AP3B1: variants seen among roughly 807,000 people sequenced by gnomAD.
The protein encoded by AP3B1 is AP-3 complex subunit beta-1.
In AP3B1, 61 loss-of-function variants were observed where a neutral mutation model predicts 132.5. The ratio of observed to expected loss-of-function variants is 0.46; its 90% confidence interval spans 0.37 to 0.57. AP3B1 has a LOEUF of 0.57. Among genes scored for constraint, AP3B1 ranks in the 20% least tolerant of loss-of-function variants. The probability of loss-of-function intolerance (pLI) is 0.00; values close to 1 mark genes in which losing one functional copy is unlikely to be tolerated. For synonymous variants in AP3B1, 388 were observed against 438.3 expected (o/e 0.89, Z 1.43); for missense variants, 1,120 against 1,289.4 (o/e 0.87, Z 2.01).
intron 22 of AP3B1, among the ~76,000 whole-genome samples, chr5:78,045,119 G>A (rs1451892621): frequency 6.6e-6 from 1 of 152,150 alleles, no homozygotes; most frequent in Non-Finnish European, 1.5e-5. Flanking sequence ...GGTGGCTCAT[G>A]CCTGTAATCC....
intron 22 of AP3B1, among the ~76,000 whole-genome samples, chr5:78,062,676 C>A (rs1236694170): frequency 6.6e-6 from 1 of 152,192 alleles, no homozygotes; most frequent in Non-Finnish European, 1.5e-5. Context: ...TCAAAAGAAG[C>A]CACAGTTCTC....
At chr5:78,217,789 G>A (rs763714895) in intron 6 of AP3B1, among the ~76,000 whole-genome samples, 3 of 151,958 alleles carry the variant, frequency 2.0e-5, no homozygotes, top group Non-Finnish European at 4.4e-5. Flanking sequence ...GTGTTAAAGT[G>A]CAAAAATAAA....
rs4704483 is a variant in AP3B1, at chr5:78,097,585, C to T, written c.2470+3368G>A. On this transcript the variant is annotated intron_variant, in intron 21 of 26. Coordinates refer to ENST00000255194, the MANE Select transcript of AP3B1 (RefSeq NM_003664.5). ...GGGGTCAGCCCCCCGCCCGGCCAGC[C>T]GCCCCGTCCGGGAGGGAGGTGGGGG... 4.8e-5 allele frequency among the ~76,000 whole-genome samples: 4 copies of T among 82,944 alleles called. 1 individual carries two copies. Among genetic ancestry groups the T allele is most frequent in the African/African-American group, 1.0e-4 (2 of 19,570 alleles). The allele number at this position is 82,944 out of a possible 152,430, so 54.4% of individuals were successfully genotyped here. A position where few individuals can be genotyped will look rare whatever the true frequency, so the allele number is the denominator to read the frequency against.
chr5:78,003,795 G>A (rs1447387045), intron 26 of AP3B1, among the ~76,000 whole-genome samples: 2 of 152,176 alleles, frequency 1.3e-5, no homozygotes, highest in African/African-American at 2.4e-5. Context: ...CTGATTACAC[G>A]GAACTAAAAG....
intron 26 of AP3B1, among the ~76,000 whole-genome samples, chr5:78,013,023 T>C (rs1170211812): frequency 2.0e-5 from 3 of 152,124 alleles, no homozygotes; most frequent in African/African-American, 4.8e-5. Context: ...TTTATGTGGC[T>C]TTGTAACTTC....
intron 1 of AP3B1, among the ~76,000 whole-genome samples, chr5:78,284,292 G>C (rs555847252): frequency 6.6e-6 from 1 of 152,100 alleles, no homozygotes; most frequent in Non-Finnish European, 1.5e-5. Context: ...GGTATACACA[G>C]GTATGTGTGG....
At chr5:78,098,651 C>G (rs1431645429) in intron 21 of AP3B1, among the ~76,000 whole-genome samples, 1 of 152,198 alleles carries the variant, frequency 6.6e-6, no homozygotes, top group Non-Finnish European at 1.5e-5. Context: ...TCCTACATCA[C>G]AAGGAGGCCA....
At chr5:78,183,393 T>G (rs1247431139) in intron 7 of AP3B1, among the ~76,000 whole-genome samples, 3 of 152,034 alleles carry the variant, frequency 2.0e-5, no homozygotes, top group Non-Finnish European at 4.4e-5. Context: ...AAATCACTCA[T>G]CATTCCAAGA....
At chr5:78,003,129 A>T in intron 26 of AP3B1, 74 bp from the exon 27 acceptor site, 2 of 1,510,008 alleles carry the variant, frequency 1.3e-6, no homozygotes, top group Admixed American at 1.8e-5. Flanking sequence ...TTCAAATAGG[A>T]TTAAAATAAC....
At chr5:78,140,838 C>A (rs1286878366) in intron 15 of AP3B1, among the ~76,000 whole-genome samples, 1 of 152,200 alleles carries the variant, frequency 6.6e-6, no homozygotes, top group Non-Finnish European at 1.5e-5. Context: ...AGAGTTTCAT[C>A]CTTTATAAAA....
intron 2 of AP3B1, among the ~76,000 whole-genome samples, chr5:78,251,925 C>T (rs1330659553): frequency 1.3e-5 from 2 of 152,156 alleles, no homozygotes; most frequent in Non-Finnish European, 2.9e-5. Context: ...GAGACCCCTC[C>T]CTTCCACTTG....
chr5:78,035,867 A>C (rs1344513863), intron 23 of AP3B1, among the ~76,000 whole-genome samples: 2 of 151,986 alleles, frequency 1.3e-5, no homozygotes, highest in African/African-American at 4.8e-5. Context: ...TGTTTTTTTC[A>C]TTTCTCATAA....
intron 17 of AP3B1, among the ~76,000 whole-genome samples, chr5:78,125,575 T>C (rs922767957): frequency 2.0e-5 from 3 of 152,162 alleles, no homozygotes; most frequent in African/African-American, 7.2e-5. Flanking sequence ...AAAAGAAAAC[T>C]ATCTACGTTA....
intron 22 of AP3B1, chr5:78,043,769 GC>G: frequency 2.6e-6 from 1 of 381,208 alleles, no homozygotes; most frequent in Non-Finnish European, 5.2e-6. Context: ...GCACCAAACT[GC>G]CCAATCATGG....
At chr5:78,083,637 T>C (rs1750107178) in intron 22 of AP3B1, among the ~76,000 whole-genome samples, 1 of 152,214 alleles carries the variant, frequency 6.6e-6, no homozygotes, top group African/African-American at 2.4e-5. Flanking sequence ...GTTCCCTCAA[T>C]AGAGCTATCT....
intron 14 of AP3B1, among the ~76,000 whole-genome samples, chr5:78,151,111 G>A (rs550567655): frequency 6.6e-6 from 1 of 152,100 alleles, no homozygotes; most frequent in Non-Finnish European, 1.5e-5. Context: ...AAGAAACGAG[G>A]TTTTACCATG....
intron 7 of AP3B1, among the ~76,000 whole-genome samples, chr5:78,203,456 A>C (rs1265847597): frequency 6.6e-6 from 1 of 152,148 alleles, no homozygotes; most frequent in African/African-American, 2.4e-5. Flanking sequence ...ACTGCCCCCC[A>C]TGATTCAATT....
chr5:78,262,307 G>A (rs1748128500), intron 2 of AP3B1, among the ~76,000 whole-genome samples: 1 of 152,056 alleles, frequency 6.6e-6, no homozygotes. Context: ...CAAATCCAAT[G>A]TCATGAAGCT....
intron 20 of AP3B1, among the ~76,000 whole-genome samples, chr5:78,107,958 T>C (rs1430628955): frequency 6.6e-6 from 1 of 152,214 alleles, no homozygotes; most frequent in Non-Finnish European, 1.5e-5. Flanking sequence ...TTGAAAGAAG[T>C]AAGGTAGGTA....
Sources: allele counts gnomAD v4.1 joint callset (sites outside exome capture counted in the v4.1 genomes callset), GRCh38; gene constraint gnomAD v4.1.1; transcripts MANE v1.5; gene names NCBI Gene and HGNC (gene_info 2026-07-23, HGNC 2026-07-21).